SBF2: variants seen among roughly 807,000 people sequenced by gnomAD.
The protein encoded by SBF2 is SET binding factor 2.
In SBF2, 112 loss-of-function variants were observed where a neutral mutation model predicts 225.2. The observed-to-expected ratio is 0.50, with a 90% CI of 0.43 to 0.58. The LOEUF is 0.58. Among genes scored for constraint, SBF2 ranks in the 20% least tolerant of loss-of-function variants. SBF2 has a pLI of 0.00. For missense variants in SBF2, 1,996 were observed against 2,206.2 expected, an observed-to-expected ratio of 0.90 and a Z score of 1.91; for synonymous variants, 763 against 773.3, an observed-to-expected ratio of 0.99 and a Z score of 0.22.
rs555758259 is a variant in SBF2, at chr11:10,189,469, A to G, written c.141+4433T>C. 5.3e-5 allele frequency among the ~76,000 whole-genome samples: 8 copies of G among 152,326 alleles called. 1 individual carries two copies. Among genetic ancestry groups the G allele is most frequent in the South Asian group, 4.1e-4 (2 of 4,832 alleles). Reference sequence around the variant, plus strand: ...AGAATTAAAGCATTACATGGTACTTATATTTACCTCTCTGTCCTCAAATAA... The same window carrying G: ...AGAATTAAAGCATTACATGGTACTTGTATTTACCTCTCTGTCCTCAAATAA... On this transcript the variant is annotated intron_variant, in intron 2 of 39. Coordinates refer to ENST00000256190, the MANE Select transcript of SBF2 (RefSeq NM_030962.4).
intron 1 of SBF2, among the ~76,000 whole-genome samples, chr11:10,238,380 G>A (rs563414882): frequency 1.5e-4 from 23 of 151,712 alleles, no homozygotes; most frequent in East Asian, 5.9e-4. Flanking sequence ...ACTGCACTCC[G>A]GCCTGGGCAA....
chr11:10,134,467 C>T lies in SBF2; in HGVS notation c.141+59435G>A, dbSNP rs193210928. 2.6e-3 allele frequency among the ~76,000 whole-genome samples: 389 copies of T among 152,278 alleles called. 2 individuals carry two copies. The highest frequency in any genetic ancestry group is 3.7e-3 in the Non-Finnish European group (249 of 68,018). On this transcript the variant is annotated intron_variant, in intron 2 of 39. Transcript: ENST00000256190. The stretch of plus-strand genomic sequence containing the variant: ...ATGTCAGCATTAACGTGAAAGTCCA[C>T]AGTCCAAAGTCTCATCAGAGACAAG...
intron 2 of SBF2, among the ~76,000 whole-genome samples, chr11:10,167,774 T>C (rs1264004551): frequency 6.6e-6 from 1 of 152,122 alleles, no homozygotes; most frequent in Non-Finnish European, 1.5e-5. Context: ...TCCCAGCACT[T>C]TGGGAGGCTG....
Position 9,780,319 on chromosome 11 carries a change from G to C in SBF2, c.*99C>G, listed in dbSNP as rs1851925070. The C allele has an allele frequency of 1.9e-6, 2 of 1,038,282 alleles. No individual in the cohort carries two copies. Among genetic ancestry groups the C allele is most frequent in the Non-Finnish European group, 2.9e-6 (2 of 683,740 alleles). 64.3% of individuals were successfully genotyped at this position (1,038,282 alleles called of 1,614,324 possible). A position where few individuals can be genotyped will look rare whatever the true frequency, so the allele number is the denominator to read the frequency against. The stretch of plus-strand genomic sequence containing the variant: ...TGGGCAGGAGAACCTCAGGCCCTGG[G>C]ATAACTTGTTGTCAGCTCCTCAAGG... On this transcript the variant is annotated 3_prime_UTR_variant, in exon 40 of 40. Coordinates refer to ENST00000256190, the MANE Select transcript of SBF2 (RefSeq NM_030962.4).
intron 16 of SBF2, among the ~76,000 whole-genome samples, chr11:9,948,610 A>G (rs1865692643): frequency 6.6e-6 from 1 of 152,150 alleles, no homozygotes; most frequent in East Asian, 1.9e-4. Context: ...AGAAACCAAG[A>G]TCTGGACACT....
chr11:10,099,287 C>T (rs904875466), intron 2 of SBF2, among the ~76,000 whole-genome samples: 2 of 152,084 alleles, frequency 1.3e-5, no homozygotes, highest in East Asian at 1.9e-4. Flanking sequence ...AAAAATGTTA[C>T]GGACCAGAAG....
intron 2 of SBF2, among the ~76,000 whole-genome samples, chr11:10,116,505 T>C (rs72860557): frequency 0.053 from 8,125 of 152,298 alleles, 299 homozygotes; most frequent in Middle Eastern, 0.15. Flanking sequence ...AATTGATATA[T>C]TATTTTTCTA....
intron 1 of SBF2, among the ~76,000 whole-genome samples, chr11:10,212,839 C>T (rs1290282369): frequency 6.6e-6 from 1 of 152,152 alleles, no homozygotes; most frequent in Non-Finnish European, 1.5e-5. Flanking sequence ...ATCACGAGGT[C>T]AAGAGATCAA....
At chr11:9,793,303 C>G (rs1852877252) in intron 33 of SBF2, among the ~76,000 whole-genome samples, 1 of 152,158 alleles carries the variant, frequency 6.6e-6, no homozygotes, top group Admixed American at 6.5e-5. Flanking sequence ...CTGACATTTT[C>G]TGATCCTTGA....
chr11:10,292,395 T>C (rs1040945526), intron 1 of SBF2, among the ~76,000 whole-genome samples: 1 of 152,132 alleles, frequency 6.6e-6, no homozygotes, highest in Non-Finnish European at 1.5e-5. Flanking sequence ...TGTTTCAACA[T>C]TGTTGGCCGG....
intron 1 of SBF2, among the ~76,000 whole-genome samples, chr11:10,202,917 C>T (rs1957619462): frequency 1.3e-5 from 2 of 152,160 alleles, no homozygotes; most frequent in Non-Finnish European, 1.5e-5. Flanking sequence ...CAATGGTTTT[C>T]AGACACCTGA....
At chr11:10,038,246 C>T (rs1222231576) in intron 3 of SBF2, among the ~76,000 whole-genome samples, 1 of 151,928 alleles carries the variant, frequency 6.6e-6, no homozygotes, top group Non-Finnish European at 1.5e-5. Flanking sequence ...CTGAATGTCC[C>T]TAAGTAAGCC....
At chr11:10,109,087 G>A (rs2135003190) in intron 2 of SBF2, among the ~76,000 whole-genome samples, 1 of 151,958 alleles carries the variant, frequency 6.6e-6, no homozygotes, top group Admixed American at 6.6e-5. Context: ...AAAATATGCT[G>A]AACATAAAAA....
intron 2 of SBF2, among the ~76,000 whole-genome samples, chr11:10,167,358 A>G (rs566481208): frequency 1.1e-4 from 17 of 152,120 alleles, no homozygotes; most frequent in Non-Finnish European, 2.2e-4. Flanking sequence ...AATCCCAGGA[A>G]TTCTAGACCA....
intron 24 of SBF2, 61 bp from the exon 25 acceptor site, chr11:9,842,831 G>A: frequency 1.3e-6 from 2 of 1,542,732 alleles, no homozygotes; most frequent in Non-Finnish European, 1.8e-6. Flanking sequence ...TTGTATTGTT[G>A]ACACCTACTT....
chr11:9,849,123 T>C (rs553889420), intron 22 of SBF2, among the ~76,000 whole-genome samples: 9 of 152,342 alleles, frequency 5.9e-5, no homozygotes, highest in African/African-American at 2.2e-4. Context: ...TGGGTCTCCC[T>C]ATTTCTACTG....
intron 2 of SBF2, among the ~76,000 whole-genome samples, chr11:10,115,457 T>A (rs989231327): frequency 6.6e-6 from 1 of 152,196 alleles, no homozygotes; most frequent in Non-Finnish European, 1.5e-5. Flanking sequence ...CTAATCCCAT[T>A]TGAGACATGA....
intron 17 of SBF2, among the ~76,000 whole-genome samples, chr11:9,863,731 T>C (rs1857952981): frequency 6.6e-6 from 1 of 151,092 alleles, no homozygotes; most frequent in South Asian, 2.1e-4. Context: ...TTAAACATAT[T>C]TGCTTTGTCC....
rs755037564 is a variant in SBF2 at position 9,993,014 on chromosome 11, T to C, written c.1143A>G (p.Ala381=). Residue 381 remains alanine, a synonymous_variant, in exon 11 of 40, where the codon GCA becomes GCG. Coordinates refer to ENST00000256190, the MANE Select transcript of SBF2 (RefSeq NM_030962.4). Reference sequence around the variant, plus strand: ...CCTTGTGGAAATGTATTACTGGCTCTGCATGAATTCTTATAAGTTGCAGGC... The same window carrying C: ...CCTTGTGGAAATGTATTACTGGCTCCGCATGAATTCTTATAAGTTGCAGGC... The part of the protein sequence containing the change: ...RSCLQLIRIH[A]EPVIHFHKTA... 4 of 1,610,954 alleles carry C rather than the reference T, an allele frequency of 2.5e-6. No homozygotes were observed. The South Asian group carries it at 3.3e-5, about 13-fold the overall frequency.
Sources: allele counts gnomAD v4.1 joint callset (sites outside exome capture counted in the v4.1 genomes callset), GRCh38; gene constraint gnomAD v4.1.1; transcripts MANE v1.5; gene names NCBI Gene and HGNC (gene_info 2026-07-23, HGNC 2026-07-21).